The following ANKRD50 variants were observed in gnomAD, a reference collection of about 807,000 sequenced individuals.
ANKRD50 encodes ankyrin repeat domain 50.
Under a neutral mutation model 112.0 loss-of-function variants are expected in ANKRD50, and 40 were observed. That is an observed-to-expected ratio of 0.36 (90% CI 0.28 to 0.46). ANKRD50 has a LOEUF of 0.46. Ranked by LOEUF, ANKRD50 falls within the 20% of genes least tolerant of loss-of-function variation. ANKRD50 has a pLI of 1.00. For synonymous variants in ANKRD50, 613 were observed against 619.1 expected, an observed-to-expected ratio of 0.99 and a Z score of 0.15; for missense variants, 1,487 against 1,701.7, an observed-to-expected ratio of 0.87 and a Z score of 2.22.
At chr4:124,695,086 G>T (rs764751488) in intron 2 of ANKRD50, among the ~76,000 whole-genome samples, 2 of 152,154 alleles carry the variant, frequency 1.3e-5, no homozygotes, top group South Asian at 4.1e-4. Flanking sequence ...AAGAGCCAGA[G>T]AAATCTTGTT....
At position 124,672,548 on chromosome 4, in the gene ANKRD50, A is replaced by T. The variant is rs1403018067; in HGVS notation, c.743-14T>A. 2 of 1,534,376 alleles carry T rather than the reference A, an allele frequency of 1.3e-6. No individual in the cohort carries two copies. Among genetic ancestry groups the T allele is most frequent in the Middle Eastern group, 1.7e-4 (1 of 5,898 alleles). ...TTTTTCGAAAACCTAAAGAAGAGAT[A>T]AAAAAGTAGATGTAATCAGTTGAAA... On this transcript the variant is annotated splice_polypyrimidine_tract_variant and intron_variant, in intron 3 of 4. Coordinates refer to ENST00000504087, the MANE Select transcript of ANKRD50 (RefSeq NM_020337.3).
At position 124,671,320 on chromosome 4, in the gene ANKRD50, A is replaced by T; in HGVS notation, c.1957T>A (p.Trp653Arg). 1 of 1,613,814 alleles carries T rather than the reference A, an allele frequency of 6.2e-7. No individual in the cohort carries two copies. Among genetic ancestry groups the T allele is most frequent in the East Asian group, 2.2e-5 (1 of 44,842 alleles). Reference sequence around the variant, plus strand: ...AGTACAATATCCTCGTGTCCTCCCCATGCTGCTGCTCTCAAAGCTGTTCGG... The same window carrying T: ...AGTACAATATCCTCGTGTCCTCCCCTTGCTGCTGCTCTCAAAGCTGTTCGG... ...DSRTALRAAA[W>R]GGHEDIVLNL... Residue 653 changes from tryptophan (W) to arginine (R), a missense_variant, in exon 4 of 5, where the codon TGG becomes AGG. By Grantham distance (101) the Trp-to-Arg change is moderately radical. Coordinates refer to ENST00000504087, the MANE Select transcript of ANKRD50 (RefSeq NM_020337.3).
rs371310671 is a variant in ANKRD50, at chr4:124,709,977, C to T, written c.512+23G>A. 4 of 1,580,916 alleles carry T rather than the reference C, an allele frequency of 2.5e-6. No homozygotes were observed. In the African/African-American group the frequency reaches 5.5e-5, roughly 22 times the overall value. ...TTTAATTTCAGCATAGAAATCTGAA[C>T]ACCATGACATTTTTATTGTTACCTT... On this transcript the variant is annotated intron_variant, in intron 2 of 4. Coordinates refer to ENST00000504087, the MANE Select transcript of ANKRD50 (RefSeq NM_020337.3).
intron 3 of ANKRD50, among the ~76,000 whole-genome samples, chr4:124,675,392 TA>T (rs1730752049): frequency 6.6e-6 from 1 of 151,762 alleles, no homozygotes; most frequent in Non-Finnish European, 1.5e-5. Flanking sequence ...AAATAAAACC[TA>T]AAAATATAAC....
chr4:124,707,384 T>A (rs1393252636), intron 2 of ANKRD50, among the ~76,000 whole-genome samples: 2 of 152,076 alleles, frequency 1.3e-5, no homozygotes. Context: ...CTTGAATTAT[T>A]TGTCCAAAAG....
chr4:124,694,103 G>T (rs538050849), intron 2 of ANKRD50, among the ~76,000 whole-genome samples: 6 of 152,102 alleles, frequency 3.9e-5, no homozygotes, highest in Admixed American at 1.3e-4. Flanking sequence ...AAAGCAAGTG[G>T]AACAGGAAAA....
In ANKRD50 at chr4:124,670,720, T is replaced by G; in HGVS notation, c.2557A>C (p.Met853Leu). 1 of 1,613,512 alleles carries G rather than the reference T, an allele frequency of 6.2e-7. No individual in the cohort carries two copies. The highest frequency in any genetic ancestry group is 8.5e-7 in the Non-Finnish European group (1 of 1,179,774). The change falls in exon 4 of 5, where the codon ATG (methionine) becomes CTG (leucine). Residue 853 changes from methionine to leucine, a missense_variant. Physicochemically the swap from Met to Leu is conservative, Grantham distance 15. This residue lies in a region of ANKRD50 where 1,046 missense variants were observed against 1,269.5 expected (regional missense o/e 0.82). Transcript: ENST00000504087. ...AATCTGTGCCCTTCAAAAGCTGCCATGTGCAAAGGTGTCCATCCAGCATCA... is the reference window on the plus strand; with the variant it reads ...AATCTGTGCCCTTCAAAAGCTGCCAGGTGCAAAGGTGTCCATCCAGCATCA... ...RDDAGWTPLH[M>L]AAFEGHRLIC...
At chr4:124,692,153 T>TA (rs149246358) in intron 2 of ANKRD50, among the ~76,000 whole-genome samples, 6,449 of 152,320 alleles carry the variant, frequency 0.042, 158 homozygotes, top group Middle Eastern at 0.078. Flanking sequence ...TCATTATGTA[T>TA]ATGAGAATAT....
chr4:124,669,533 T>C lies in ANKRD50; in HGVS notation c.3744A>G (p.Ser1248=). 2 of 1,612,842 alleles carry C rather than the reference T, an allele frequency of 1.2e-6. No homozygotes were observed. The highest frequency in any genetic ancestry group is 1.7e-6 in the Non-Finnish European group (2 of 1,179,694). Residue 1248 remains serine, a synonymous_variant, in exon 4 of 5, where the codon TCA becomes TCG. Coordinates refer to ENST00000504087, the MANE Select transcript of ANKRD50 (RefSeq NM_020337.3). ...GACTCCACTCAAATTCACTACTTGG[T>C]GAATTATGACTCTGTCCTAAGGACT... ...TTQSLGQSHN[S]PSSEFEWSQV...
chr4:124,694,346 T>C lies in ANKRD50; in HGVS notation c.513-15441A>G, dbSNP rs117931266. Reference sequence around the variant, plus strand: ...TTTGTTAAAACATAGCAGGGACATATGGAATTGAAAATAAAAAGAAAAATA... The same window carrying C: ...TTTGTTAAAACATAGCAGGGACATACGGAATTGAAAATAAAAAGAAAAATA... On this transcript the variant is annotated intron_variant, in intron 2 of 4. Coordinates refer to ENST00000504087, the MANE Select transcript of ANKRD50 (RefSeq NM_020337.3). Among the ~76,000 whole-genome samples, 41 of 152,194 alleles carry C rather than the reference T, an allele frequency of 2.7e-4. No homozygotes were observed. In the East Asian group the frequency reaches 7.3e-3, roughly 27 times the overall value.
chr4:124,691,566 A>G (rs1327095048), intron 2 of ANKRD50, among the ~76,000 whole-genome samples: 2 of 151,594 alleles, frequency 1.3e-5, no homozygotes, highest in African/African-American at 2.4e-5. Flanking sequence ...GAAGATACTA[A>G]AGTTCAATAA....
At chr4:124,708,703 CACACACACACACACACAT>C (rs1288210469) in intron 2 of ANKRD50, among the ~76,000 whole-genome samples, 58 of 151,518 alleles carry the variant, frequency 3.8e-4, no homozygotes, top group African/African-American at 1.2e-3. Context: ...CACACACACA[CACACACACACACACACAT>C]ACACACACAC....
intron 2 of ANKRD50, among the ~76,000 whole-genome samples, chr4:124,679,996 T>C (rs1437292623): frequency 6.6e-6 from 1 of 152,196 alleles, no homozygotes; most frequent in Non-Finnish European, 1.5e-5. Flanking sequence ...CGTGGGCCTT[T>C]TCATTTGCAG....
At chr4:124,700,631 A>G (rs977200375) in intron 2 of ANKRD50, among the ~76,000 whole-genome samples, 6 of 152,354 alleles carry the variant, frequency 3.9e-5, no homozygotes, top group African/African-American at 1.4e-4. Context: ...TTCCCATTTT[A>G]AATATTTAAC....
At position 124,710,998 on chromosome 4, in the gene ANKRD50, A is replaced by G; in HGVS notation, c.-487T>C. The G allele has an allele frequency of 2.6e-6, 1 of 391,114 alleles. No individual in the cohort carries two copies. Among genetic ancestry groups the G allele is most frequent in the East Asian group, 3.6e-5 (1 of 27,626 alleles). The allele number at this position is 391,114 out of a possible 1,614,324, so 24.2% of individuals were successfully genotyped here. A position where few individuals can be genotyped will look rare whatever the true frequency, so the allele number is the denominator to read the frequency against. On this transcript the variant is annotated 5_prime_UTR_variant, in exon 2 of 5. Transcript: ENST00000504087. Reference sequence around the variant, plus strand: ...ATGGCATCAGAGAGATTACATTTATACGGTATGAGGTACAGTATGTAAGTA... The same window carrying G: ...ATGGCATCAGAGAGATTACATTTATGCGGTATGAGGTACAGTATGTAAGTA...
At chr4:124,668,862 G>T in intron 4 of ANKRD50, 122 bp downstream of exon 4, 1 of 866,876 alleles carries the variant, frequency 1.2e-6, no homozygotes, top group Non-Finnish European at 1.7e-6. Context: ...GGCAGGTCTG[G>T]CCCAGATGAC....
At chr4:124,680,919 A>G (rs1355927630) in intron 2 of ANKRD50, among the ~76,000 whole-genome samples, 1 of 152,170 alleles carries the variant, frequency 6.6e-6, no homozygotes, top group East Asian at 1.9e-4. Context: ...CCAGTGAAGT[A>G]TGGAAGAAAG....
rs2110504956 is a variant in ANKRD50 at position 124,667,202 on chromosome 4, TCTTAA to T, written c.*311_*315del. 2 of 152,188 alleles carry T rather than the reference TCTTAA, an allele frequency of 1.3e-5. No homozygotes were observed. Among genetic ancestry groups the T allele is most frequent in the South Asian group, 2.1e-4 (1 of 4,834 alleles). 9.4% of individuals were successfully genotyped at this position (152,188 alleles called of 1,614,324 possible). A position where few individuals can be genotyped will look rare whatever the true frequency, so the allele number is the denominator to read the frequency against. ...TGGCACATGCACATTTTTTATCACA[TCTTAA>T]CTTAAAATACTCAAATTTTCTTTTC... On this transcript the variant is annotated 3_prime_UTR_variant, in exon 5 of 5. Coordinates refer to ENST00000504087, the MANE Select transcript of ANKRD50 (RefSeq NM_020337.3).
intron 3 of ANKRD50, among the ~76,000 whole-genome samples, chr4:124,674,090 TTTTGAC>T (rs1390765530): frequency 3.3e-5 from 5 of 152,014 alleles, no homozygotes; most frequent in Non-Finnish European, 7.4e-5. Context: ...GTCCATTTGC[TTTTGAC>T]TTTATCAATT....
Sources: allele counts gnomAD v4.1 joint callset (sites outside exome capture counted in the v4.1 genomes callset), GRCh38; gene constraint gnomAD v4.1.1; regional missense constraint gnomAD v4.1.1; transcripts MANE v1.5; gene names NCBI Gene and HGNC (gene_info 2026-07-23, HGNC 2026-07-21).